AGBL4: variants seen among roughly 807,000 people sequenced by gnomAD.
AGBL4 encodes the protein AGBL carboxypeptidase 4, also known as cytosolic carboxypeptidase 6.
A neutral mutation model predicts 66.4 loss-of-function variants in AGBL4; 58 were observed. The ratio of observed to expected loss-of-function variants is 0.87; its 90% CI spans 0.71 to 1.09. AGBL4 has a LOEUF of 1.09. Ranked by LOEUF, AGBL4 falls within the 50% of genes least tolerant of loss-of-function variation. The pLI is 0.00. For synonymous variants in AGBL4, 234 were observed against 222.9 expected, an observed-to-expected ratio of 1.05 and a Z score of -0.44; for missense variants, 579 against 631.0, an observed-to-expected ratio of 0.92 and a Z score of 0.88.
intron 6 of AGBL4, among the ~76,000 whole-genome samples, chr1:48,714,997 T>C (rs1647026609): frequency 6.6e-6 from 1 of 151,992 alleles, no homozygotes; most frequent in Non-Finnish European, 1.5e-5. Context: ...CACAACAGGA[T>C]GAGAGGAAAA....
rs189371157 is a variant in AGBL4, at chr1:49,652,795, C to G, written c.282+44518G>C. 2.0e-3 allele frequency among the ~76,000 whole-genome samples: 305 copies of G among 152,242 alleles called. 2 individuals are homozygous for G. The highest frequency in any genetic ancestry group is 3.0e-3 in the Non-Finnish European group (204 of 68,010). On this transcript the variant is annotated intron_variant, in intron 3 of 13. Coordinates refer to ENST00000371839, the MANE Select transcript of AGBL4 (RefSeq NM_032785.4). ...CTGTGAGAATTTCAGCATCCCCAAC[C>G]AGGGGTTTATAAACAGAACTCTGAT...
intron 5 of AGBL4, among the ~76,000 whole-genome samples, chr1:49,028,454 A>G (rs756830476): frequency 2.6e-5 from 4 of 152,206 alleles, no homozygotes; most frequent in Non-Finnish European, 5.9e-5. Context: ...AAAAATAATT[A>G]TACATCCAAT....
intron 9 of AGBL4, among the ~76,000 whole-genome samples, chr1:48,607,005 A>C (rs764104496): frequency 2.6e-5 from 4 of 152,162 alleles, no homozygotes; most frequent in Non-Finnish European, 4.4e-5. Flanking sequence ...TTTCTTTACC[A>C]GTCAAAAGAA....
intron 6 of AGBL4, among the ~76,000 whole-genome samples, chr1:48,787,198 G>A (rs1042060968): frequency 6.6e-6 from 1 of 152,130 alleles, no homozygotes; most frequent in Non-Finnish European, 1.5e-5. Context: ...CTCCCACTGA[G>A]TCTGACTCTC....
intron 1 of AGBL4, among the ~76,000 whole-genome samples, chr1:49,858,361 C>G (rs1272985391): frequency 6.6e-6 from 1 of 151,988 alleles, no homozygotes; most frequent in Admixed American, 6.6e-5. Flanking sequence ...AAGTACCATA[C>G]AATCCAGCAA....
intron 3 of AGBL4, among the ~76,000 whole-genome samples, chr1:49,370,714 G>C (rs1027868521): frequency 6.6e-6 from 1 of 152,090 alleles, no homozygotes; most frequent in Non-Finnish European, 1.5e-5. Context: ...GTTAATACAA[G>C]ATTTTACCTA....
intron 3 of AGBL4, among the ~76,000 whole-genome samples, chr1:49,423,809 C>CA (rs5774048): frequency 1.8e-4 from 15 of 84,318 alleles, no homozygotes; most frequent in South Asian, 1.3e-3. Flanking sequence ...AAGACTCGGC[C>CA]AAAAAAAAAA....
At chr1:49,372,442 A>G (rs1421446998) in intron 3 of AGBL4, among the ~76,000 whole-genome samples, 2 of 152,056 alleles carry the variant, frequency 1.3e-5, no homozygotes, top group Non-Finnish European at 2.9e-5. Flanking sequence ...TTCCTTTCCC[A>G]TAAAGCCTCC....
At chr1:49,777,919 T>A (rs1050298375) in intron 2 of AGBL4, among the ~76,000 whole-genome samples, 1 of 152,166 alleles carries the variant, frequency 6.6e-6, no homozygotes, top group Non-Finnish European at 1.5e-5. Context: ...GATCATTAAA[T>A]CATGCTAAGA....
chr1:49,216,547 T>G (rs1570101061), intron 4 of AGBL4, among the ~76,000 whole-genome samples: 1 of 152,304 alleles, frequency 6.6e-6, no homozygotes, highest in South Asian at 2.1e-4. Context: ...CTTGGGATAA[T>G]GGCCTCCAGC....
rs531078970 is a variant in AGBL4 at position 49,726,914 on chromosome 1, A to AT, written c.158-29478dup. On this transcript the variant is annotated intron_variant, in intron 2 of 13. Transcript: ENST00000371839. ...GCAAGAAAAGACCTCTCTATTTGCA[A>AT]TTTTTTTTAAACAAAAACTCTTGAG... 4.0e-3 allele frequency among the ~76,000 whole-genome samples: 616 copies of AT among 152,110 alleles called. 2 individuals carry two copies. Among genetic ancestry groups the AT allele is most frequent in the Non-Finnish European group, 6.1e-3 (417 of 67,962 alleles).
intron 1 of AGBL4, among the ~76,000 whole-genome samples, chr1:50,009,269 A>C (rs1411301991): frequency 6.6e-6 from 1 of 152,214 alleles, no homozygotes; most frequent in Non-Finnish European, 1.5e-5. Context: ...CCTCAACAAA[A>C]TACTGGCAAA....
chr1:49,567,300 C>T (rs922572677), intron 3 of AGBL4, among the ~76,000 whole-genome samples: 3 of 152,150 alleles, frequency 2.0e-5, no homozygotes, highest in African/African-American at 7.2e-5. Context: ...TGCACTGCAC[C>T]CACTGTCCTG....
At chr1:49,565,743 C>A (rs903726044) in intron 3 of AGBL4, among the ~76,000 whole-genome samples, 14 of 151,506 alleles carry the variant, frequency 9.2e-5, no homozygotes, top group African/African-American at 3.4e-4. Flanking sequence ...AACATTTTTT[C>A]CATTTCATCT....
intron 4 of AGBL4, among the ~76,000 whole-genome samples, chr1:49,238,105 T>C (rs1570170126): frequency 1.3e-5 from 2 of 152,310 alleles, no homozygotes; most frequent in East Asian, 3.9e-4. Context: ...TTTTCTCTTA[T>C]TGTTTTCAAG....
At chr1:49,556,173 T>C (rs903218178) in intron 3 of AGBL4, among the ~76,000 whole-genome samples, 145 of 152,218 alleles carry the variant, frequency 9.5e-4, no homozygotes, top group African/African-American at 3.2e-3. Context: ...ATGTGGCACA[T>C]ATACACCATG....
chr1:49,744,551 C>T (rs1358387085), intron 2 of AGBL4, among the ~76,000 whole-genome samples: 1 of 152,084 alleles, frequency 6.6e-6, no homozygotes, highest in African/African-American at 2.4e-5. Flanking sequence ...AAAGGGATTC[C>T]TTCCTTCACA....
At chr1:49,710,185 C>T (rs561526722) in intron 2 of AGBL4, among the ~76,000 whole-genome samples, 1 of 152,228 alleles carries the variant, frequency 6.6e-6, no homozygotes, top group East Asian at 1.9e-4. Context: ...GACTTGGAAC[C>T]AACCCAAATG....
At chr1:49,793,335 G>T (rs1644649580) in intron 2 of AGBL4, among the ~76,000 whole-genome samples, 1 of 152,006 alleles carries the variant, frequency 6.6e-6, no homozygotes, top group Admixed American at 6.6e-5. Context: ...TCTATCCGTT[G>T]ATACTAAACG....
Sources: allele counts gnomAD v4.1 joint callset (sites outside exome capture counted in the v4.1 genomes callset), GRCh38; gene constraint gnomAD v4.1.1; transcripts MANE v1.5; gene names NCBI Gene and HGNC (gene_info 2026-07-23, HGNC 2026-07-21).